The following DACH2 variants were observed in gnomAD, a reference collection of about 807,000 sequenced individuals.
DACH2 encodes the protein dachshund homolog 2.
In DACH2, 17 loss-of-function variants were observed where a neutral mutation model predicts 35.8. The ratio of observed to expected loss-of-function variants is 0.48; its 90% CI spans 0.33 to 0.71. DACH2 has a LOEUF of 0.71. DACH2 is among the 30% of genes least tolerant of loss of function. The pLI, the probability that DACH2 is intolerant of heterozygous loss-of-function variation, is 0.02. For missense variants in DACH2, 469 were observed against 472.7 expected, an observed-to-expected ratio of 0.99 and a Z score of 0.07; for synonymous variants, 195 against 177.3, an observed-to-expected ratio of 1.10 and a Z score of -0.79.
rs894631981 is a variant in DACH2 at position 86,753,984 on chromosome X, C to G, written c.1240+14102C>G. The stretch of plus-strand genomic sequence containing the variant: ...TCAAACACACAAGGAATCCAACCAC[C>G]ATGAGAGCATCACAGAAACAGCTAA... On this transcript the variant is annotated intron_variant, in intron 7 of 11. Transcript: ENST00000373125. 1.2e-4 allele frequency among the ~76,000 whole-genome samples: 13 copies of G among 109,527 alleles called. No homozygotes were observed. In the Admixed American group the frequency reaches 1.3e-3, roughly 11 times the overall value.
intron 3 of DACH2, among the ~76,000 whole-genome samples, chrX:86,546,357 C>CTCCTCTTCT (rs2038959526): frequency 4.0e-5 from 2 of 50,073 alleles, no homozygotes; most frequent in Non-Finnish European, 6.5e-5. Flanking sequence ...CTTCTTCTTC[C>CTCCTCTTCT]TCTTCTTCTT....
chrX:86,232,719 G>C lies in DACH2; in HGVS notation c.488+83611G>C, dbSNP rs769457016. Among the ~76,000 whole-genome samples the C allele has an allele frequency of 6.2e-5, 7 of 112,319 alleles. No homozygotes were observed. The East Asian group carries it at 2.0e-3, about 31-fold the overall frequency. ...GATACTGGCAAGGTTGAGGAGAAAA[G>C]GGAATGCTTATACGCTGTTGGTGGG... On this transcript the variant is annotated intron_variant, in intron 1 of 11. Transcript: ENST00000373125.
intron 4 of DACH2, among the ~76,000 whole-genome samples, chrX:86,656,877 A>ATATATATG (rs1556359291): frequency 2.0e-5 from 2 of 98,650 alleles, no homozygotes; most frequent in African/African-American, 7.5e-5. Flanking sequence ...ATATATATAT[A>ATATATATG]TATATATATA....
intron 3 of DACH2, among the ~76,000 whole-genome samples, chrX:86,641,332 A>T (rs944699112): frequency 8.9e-6 from 1 of 112,203 alleles, no homozygotes; most frequent in Non-Finnish European, 1.9e-5. Flanking sequence ...GCAGCAGAAT[A>T]AACCAAGTTG....
chrX:86,627,810 G>A (rs997186888), intron 3 of DACH2, among the ~76,000 whole-genome samples: 11 of 112,205 alleles, frequency 9.8e-5, no homozygotes, highest in African/African-American at 3.6e-4. Flanking sequence ...ACAGATGCTT[G>A]ATGTATTTGG....
In DACH2 at chrX:86,419,626, G is replaced by A. The variant is rs931192033; in HGVS notation, c.527+42764G>A. Among the ~76,000 whole-genome samples the A allele has an allele frequency of 9.8e-5, 11 of 112,286 alleles. No homozygotes were observed. The Middle Eastern group carries it at 0.014, about 140-fold the overall frequency. On this transcript the variant is annotated intron_variant, in intron 2 of 11. Coordinates refer to ENST00000373125, the MANE Select transcript of DACH2 (RefSeq NM_053281.3). Reference sequence around the variant, plus strand: ...TTACAATTCAAGATGAGATTTGGGTGTGGACACAGCCAAACCATATCAAAA... The same window carrying A: ...TTACAATTCAAGATGAGATTTGGGTATGGACACAGCCAAACCATATCAAAA...
intron 2 of DACH2, among the ~76,000 whole-genome samples, chrX:86,439,053 C>G (rs1183282294): frequency 8.9e-6 from 1 of 111,889 alleles, no homozygotes; most frequent in Non-Finnish European, 1.9e-5. Context: ...CTTGCCAGCA[C>G]CTGTTATTTT....
chrX:86,313,098 A>T (rs1394074620), intron 1 of DACH2, among the ~76,000 whole-genome samples: 1 of 111,456 alleles, frequency 9.0e-6, no homozygotes, highest in Admixed American at 9.6e-5. Context: ...GCTAATCACC[A>T]TGATATGATT....
intron 1 of DACH2, among the ~76,000 whole-genome samples, chrX:86,335,436 G>A (rs1188268402): frequency 9.0e-6 from 1 of 110,992 alleles, no homozygotes; most frequent in Non-Finnish European, 1.9e-5. Flanking sequence ...CTTGAGCAGT[G>A]GTTTGTAGTT....
intron 4 of DACH2, among the ~76,000 whole-genome samples, chrX:86,679,500 A>C (rs368345799): frequency 2.8e-4 from 31 of 111,515 alleles, no homozygotes; most frequent in African/African-American, 1.0e-3. Context: ...AATGTTATTA[A>C]CTTTGAAGTT....
intron 4 of DACH2, among the ~76,000 whole-genome samples, chrX:86,655,522 C>T (rs1602745408): frequency 8.9e-6 from 1 of 111,891 alleles, no homozygotes; most frequent in East Asian, 2.8e-4. Flanking sequence ...ATGAAATAAG[C>T]AGTGTGGCTA....
chrX:86,410,498 G>A (rs771601350), intron 2 of DACH2, among the ~76,000 whole-genome samples: 33 of 111,634 alleles, frequency 3.0e-4, no homozygotes, highest in African/African-American at 9.4e-4. Context: ...AACTAACTAC[G>A]TGATTTTCCA....
chrX:86,479,083 G>A (rs1022246840), intron 2 of DACH2, among the ~76,000 whole-genome samples: 4 of 110,765 alleles, frequency 3.6e-5, no homozygotes, highest in Admixed American at 9.6e-5. Context: ...CCAGAGTTGG[G>A]CCACCCAGCA....
intron 7 of DACH2, among the ~76,000 whole-genome samples, chrX:86,784,722 C>T (rs2042121091): frequency 9.0e-6 from 1 of 111,593 alleles, no homozygotes; most frequent in African/African-American, 3.3e-5. Flanking sequence ...GACATGGAAT[C>T]GACAGAAATG....
chrX:86,254,500 C>T (rs1017028682), intron 1 of DACH2, among the ~76,000 whole-genome samples: 46 of 108,141 alleles, frequency 4.3e-4, no homozygotes, highest in African/African-American at 1.5e-3. Context: ...ATGTCATGTA[C>T]CAAATTCAAA....
chrX:86,241,798 C>T (rs1389782790), intron 1 of DACH2, among the ~76,000 whole-genome samples: 1 of 112,281 alleles, frequency 8.9e-6, no homozygotes, highest in African/African-American at 3.2e-5. Context: ...ACATGATGCC[C>T]TGCACTGCTT....
intron 3 of DACH2, among the ~76,000 whole-genome samples, chrX:86,644,418 G>A (rs764964105): frequency 1.8e-5 from 2 of 111,092 alleles, no homozygotes; most frequent in Admixed American, 1.9e-4. Context: ...AAATAAATCA[G>A]AGAAGACACA....
At chrX:86,287,273 T>C (rs902288127) in intron 1 of DACH2, among the ~76,000 whole-genome samples, 8 of 112,285 alleles carry the variant, frequency 7.1e-5, no homozygotes, top group African/African-American at 2.6e-4. Flanking sequence ...AGATCCATTG[T>C]ATGTTATTTG....
chrX:86,157,453 A>G (rs1377303283), intron 1 of DACH2, among the ~76,000 whole-genome samples: 1 of 111,596 alleles, frequency 9.0e-6, no homozygotes, highest in Non-Finnish European at 1.9e-5. Context: ...CCTTTTTTTT[A>G]TGATTTCTCA....
Sources: allele counts gnomAD v4.1 joint callset (sites outside exome capture counted in the v4.1 genomes callset), GRCh38; gene constraint gnomAD v4.1.1; transcripts MANE v1.5; gene names NCBI Gene and HGNC (gene_info 2026-07-23, HGNC 2026-07-21).